Variants in ZNF180 observed in about 807,000 individuals in gnomAD.
ZNF180 encodes zinc finger protein 180 (HHZ168).
Under a neutral mutation model 11.8 loss-of-function variants are expected in ZNF180, and 11 were observed. That is an observed-to-expected ratio of 0.93 (90% CI 0.59 to 1.55). The LOEUF (loss-of-function observed/expected upper bound fraction) is 1.55, where lower values mean the gene tolerates loss of function less well. ZNF180 is among the 40% of genes most tolerant of loss of function. ZNF180 has a pLI of 0.00. For missense variants in ZNF180, 773 were observed against 781.7 expected, an observed-to-expected ratio of 0.99 and a Z score of 0.13; for synonymous variants, 287 against 257.7, an observed-to-expected ratio of 1.11 and a Z score of -1.09.
rs1311695416 is a variant in ZNF180 at position 44,488,950 on chromosome 19, G to A, written c.52-4515C>T. Among the ~76,000 whole-genome samples, 19 of 150,976 alleles carry A rather than the reference G, an allele frequency of 1.3e-4. No homozygotes were observed. In the East Asian group the frequency reaches 3.4e-3, roughly 27 times the overall value. ...TGAGAAGTGAGGAGCCCCTCCGCCC[G>A]GCAGCCGCCCCGTCTGAGAAGTGAG... On this transcript the variant is annotated intron_variant, in intron 2 of 4. Coordinates refer to ENST00000592529, the MANE Select transcript of ZNF180 (RefSeq NM_001278509.3).
At position 44,486,729 on chromosome 19, in the gene ZNF180, C is replaced by T. The variant is rs1015975490; in HGVS notation, c.52-2294G>A. Among the ~76,000 whole-genome samples, 8 of 152,170 alleles carry T rather than the reference C, an allele frequency of 5.3e-5. No homozygotes were observed. In the East Asian group the frequency reaches 5.8e-4, roughly 11 times the overall value. On this transcript the variant is annotated intron_variant, in intron 2 of 4. Coordinates refer to ENST00000592529, the MANE Select transcript of ZNF180 (RefSeq NM_001278509.3). ...GCCCAGCCTCAGCAACACAGTGAGG[C>T]TCCCCTGTCTATACAAAATATATAA... is the stretch of plus-strand genomic sequence containing the variant.
chr19:44,491,831 G>A (rs369597042), intron 2 of ZNF180, among the ~76,000 whole-genome samples: 6 of 152,228 alleles, frequency 3.9e-5, no homozygotes, highest in African/African-American at 7.2e-5. Flanking sequence ...TCCCATGCTG[G>A]TCCCCCAAAG....
At chr19:44,489,338 C>T (rs1374983453) in intron 2 of ZNF180, among the ~76,000 whole-genome samples, 1 of 141,924 alleles carries the variant, frequency 7.0e-6, no homozygotes, top group Non-Finnish European at 1.6e-5. Flanking sequence ...CGGATGGTTG[C>T]TGTGTCTGTG....
rs1324276397 is a variant in ZNF180, at chr19:44,497,336, C to T, written c.-2G>A. ...GGGCTTCTCATCCTGCTCTTCCATG[C>T]TCTCCTCCAGGCACAGCAGGGTGCT... On this transcript the variant is annotated 5_prime_UTR_variant, in exon 2 of 5. Transcript: ENST00000592529. 7 of 1,597,806 alleles carry T rather than the reference C, an allele frequency of 4.4e-6. No homozygotes were observed. The highest frequency in any genetic ancestry group is 2.3e-5 in the East Asian group (1 of 43,220).
rs1363622396 is a variant in ZNF180, at chr19:44,476,232, T to C, written c.*170A>G. ...CCAGGTTGAAAAGTCGTTCATAGAC[T>C]TTCCCCCTTTCTTTTCCAGAACAAA... On this transcript the variant is annotated 3_prime_UTR_variant, in exon 5 of 5. Coordinates refer to ENST00000592529, the MANE Select transcript of ZNF180 (RefSeq NM_001278509.3). The C allele has an allele frequency of 6.5e-6, 4 of 615,306 alleles. No homozygotes were observed. The highest frequency in any genetic ancestry group is 1.0e-5 in the Non-Finnish European group (4 of 383,992). The allele number at this position is 615,306 out of a possible 1,614,324, so 38.1% of individuals were successfully genotyped here.
chr19:44,475,355 G>A lies in ZNF180; in HGVS notation c.*1047C>T, dbSNP rs1969835939. Reference sequence around the variant, plus strand: ...GGAAGAACTAAAACATGAAAATAGAGTTCCTTAATATTGCTTTGCATATAT... The same window carrying A: ...GGAAGAACTAAAACATGAAAATAGAATTCCTTAATATTGCTTTGCATATAT... On this transcript the variant is annotated 3_prime_UTR_variant, in exon 5 of 5. Coordinates refer to ENST00000592529, the MANE Select transcript of ZNF180 (RefSeq NM_001278509.3). The A allele has an allele frequency of 6.6e-6, 1 of 150,946 alleles. No individual in the cohort carries two copies. Among genetic ancestry groups the A allele is most frequent in the South Asian group, 2.1e-4 (1 of 4,834 alleles). 9.4% of individuals were successfully genotyped at this position (150,946 alleles called of 1,614,324 possible). A position where few individuals can be genotyped will look rare whatever the true frequency, so the allele number is the denominator to read the frequency against.
At chr19:44,484,779 G>T in intron 2 of ZNF180, 1 of 268,574 alleles carries the variant, frequency 3.7e-6, no homozygotes, top group East Asian at 7.6e-5. Flanking sequence ...CAAAATTCCT[G>T]GGTCACAAAA....
chr19:44,490,010 G>GAA (rs1382120734), intron 2 of ZNF180, among the ~76,000 whole-genome samples: 5 of 138,036 alleles, frequency 3.6e-5, no homozygotes, highest in African/African-American at 1.3e-4. Flanking sequence ...AGAAAGAAAA[G>GAA]AAAAGAAAGA....
At chr19:44,484,807 G>T in intron 2 of ZNF180, 1 of 234,772 alleles carries the variant, frequency 4.3e-6, no homozygotes, top group South Asian at 7.8e-5. Context: ...CAAATAAAAT[G>T]GAATACAGCA....
rs991730366 is a variant in ZNF180, at chr19:44,494,593, G to A, written c.51+2691C>T. Among the ~76,000 whole-genome samples, 15 of 152,292 alleles carry A rather than the reference G, an allele frequency of 9.8e-5. No individual in the cohort carries two copies. In the East Asian group the frequency reaches 1.5e-3, roughly 16 times the overall value. On this transcript the variant is annotated intron_variant, in intron 2 of 4. Transcript: ENST00000592529. ...AGGTTGAGGTGGGAGGATCACTTGA[G>A]CGCAGAAATTCCAGGCTGCAGTGAT...
intron 2 of ZNF180, 163 bp from the exon 3 acceptor site, chr19:44,484,598 C>G: frequency 3.2e-6 from 2 of 633,230 alleles, no homozygotes; most frequent in South Asian, 3.6e-5. Flanking sequence ...CTCCGCTAAC[C>G]ATGTGGAGAG....
In ZNF180 at chr19:44,476,860, T is replaced by A. The variant is rs760519902; in HGVS notation, c.1540A>T (p.Arg514Ter). 6.2e-7 allele frequency: 1 copy of A among 1,614,196 alleles called. No homozygotes were observed. The highest frequency in any genetic ancestry group is 8.5e-7 in the Non-Finnish European group (1 of 1,180,024). Residue 514 changes from arginine (R) to a stop codon, truncating the protein, a stop_gained, in exon 5 of 5, where the codon AGA becomes TGA. Coordinates refer to ENST00000592529, the MANE Select transcript of ZNF180 (RefSeq NM_001278509.3). LOFTEE classifies it low-confidence loss of function (END_TRUNC). ...TACGGTTTCTCTCCAGTGTGAGTTCTTTGATGTGCAACAAGCTGAGAGCTC... is the reference window on the plus strand; with the variant it reads ...TACGGTTTCTCTCCAGTGTGAGTTCATTGATGTGCAACAAGCTGAGAGCTC... ...SWSSQLVAHQ[R>*]THTGEKPYEC...
chr19:44,499,782 T>G (rs1054017518), intron 1 of ZNF180, among the ~76,000 whole-genome samples: 4 of 152,158 alleles, frequency 2.6e-5, no homozygotes, highest in Admixed American at 2.6e-4. Flanking sequence ...AGAAGCGCGT[T>G]GTCTGCTCTA....
intron 2 of ZNF180, among the ~76,000 whole-genome samples, chr19:44,487,386 T>G (rs1452894681): frequency 1.3e-5 from 2 of 152,126 alleles, no homozygotes; most frequent in African/African-American, 4.8e-5. Flanking sequence ...AGCCAAGAGG[T>G]TGTGTTGCTT....
In ZNF180 at chr19:44,477,857, G is replaced by C. The variant is rs763705856; in HGVS notation, c.543C>G (p.Ser181=). 2 of 1,613,750 alleles carry C rather than the reference G, an allele frequency of 1.2e-6. No homozygotes were observed. Among genetic ancestry groups the C allele is most frequent in the Non-Finnish European group, 1.7e-6 (2 of 1,179,982 alleles). The change falls in exon 5 of 5, where the codon TCC becomes TCG. Residue 181 remains serine, a synonymous_variant. Transcript: ENST00000592529. ...KSGLNSSLFS[S]PVIPIRNHFH... ...AATGGTTTCTTATGGGTATAACTGG[G>C]GATGAAAATAGACTGGAATTCAGAC...
At chr19:44,490,047 G>C (rs1970400833) in intron 2 of ZNF180, among the ~76,000 whole-genome samples, 30 of 129,982 alleles carry the variant, frequency 2.3e-4, no homozygotes, top group Non-Finnish European at 4.0e-4. Flanking sequence ...AGAGGGAAGG[G>C]AAGGGAAAGA....
In ZNF180 at chr19:44,476,560, T is replaced by A. The variant is rs1969881385; in HGVS notation, c.1840A>T (p.Thr614Ser). 2 of 1,613,868 alleles carry A rather than the reference T, an allele frequency of 1.2e-6. No homozygotes were observed. The highest frequency in any genetic ancestry group is 4.5e-5 in the East Asian group (2 of 44,872). Residue 614 changes from threonine (T) to serine (S), a missense_variant, in exon 5 of 5, where the codon ACA (threonine) becomes TCA (serine). By Grantham distance (58) the Thr-to-Ser change is moderately conservative (BLOSUM62 1). Coordinates refer to ENST00000592529, the MANE Select transcript of ZNF180 (RefSeq NM_001278509.3). ...KPFECNQCGK[T>S]FSLSARLIVH... is the part of the protein sequence containing the mutation. The stretch of plus-strand genomic sequence containing the variant: ...ATAAGTCGAGCACTCAAGCTAAATG[T>A]TTTTCCACACTGATTACATTCAAAT...
intron 2 of ZNF180, 78 bp downstream of exon 2, chr19:44,497,206 G>A: frequency 7.5e-7 from 1 of 1,325,432 alleles, no homozygotes; most frequent in South Asian, 1.6e-5. Flanking sequence ...GCTGCAAAGA[G>A]AGTCAGGGAG....
At position 44,488,313 on chromosome 19, in the gene ZNF180, G is replaced by A. The variant is rs531590899; in HGVS notation, c.52-3878C>T. On this transcript the variant is annotated intron_variant, in intron 2 of 4. Transcript: ENST00000592529. ...CTTTCCACGGTCTCCCTCTGATGCC[G>A]AGCCGAAGCTGGACTGTACTGCTGC... Among the ~76,000 whole-genome samples, 971 of 135,544 alleles carry A rather than the reference G, an allele frequency of 7.2e-3. 32 individuals carry two copies. The highest frequency in any genetic ancestry group is 0.017 in the East Asian group (83 of 5,028). 88.9% of individuals were successfully genotyped at this position (135,544 alleles called of 152,430 possible). A position where few individuals can be genotyped will look rare whatever the true frequency, so the allele number is the denominator to read the frequency against.
Sources: allele counts gnomAD v4.1 joint callset (sites outside exome capture counted in the v4.1 genomes callset), GRCh38; gene constraint gnomAD v4.1.1; transcripts MANE v1.5; gene names NCBI Gene and HGNC (gene_info 2026-07-23, HGNC 2026-07-21).